The following PREX2 variants were observed in gnomAD, a reference collection of about 807,000 sequenced individuals.
PREX2 encodes the protein phosphatidylinositol-3,4,5-trisphosphate dependent Rac exchange factor 2.
A neutral mutation model predicts 203.2 loss-of-function variants in PREX2; 107 were observed. The ratio of observed to expected loss-of-function variants is 0.53; its 90% CI spans 0.45 to 0.62. The LOEUF (loss-of-function observed/expected upper bound fraction) is 0.62. Among genes scored for constraint, PREX2 ranks in the 20% least tolerant of loss-of-function variants. The pLI is 0.00. For missense variants in PREX2, 1,777 were observed against 1,955.9 expected, an observed-to-expected ratio of 0.91 and a Z score of 1.72; for synonymous variants, 672 against 663.6, an observed-to-expected ratio of 1.01 and a Z score of -0.19.
intron 7 of PREX2, among the ~76,000 whole-genome samples, chr8:68,043,402 A>G (rs1808254654): frequency 6.6e-6 from 1 of 152,026 alleles, no homozygotes; most frequent in African/African-American, 2.4e-5. Context: ...TTTTTTTCCA[A>G]GGAAGGAGCC....
At chr8:68,166,641 CAA>C (rs1811766477) in intron 35 of PREX2, among the ~76,000 whole-genome samples, 1 of 152,146 alleles carries the variant, frequency 6.6e-6, no homozygotes, top group Non-Finnish European at 1.5e-5. Flanking sequence ...ATTGTCATCA[CAA>C]GAGAAATTTT....
rs1375419138 is a variant in PREX2 at position 68,118,422 on chromosome 8, T to G, written c.3327-128T>G. The G allele has an allele frequency of 1.4e-4, 86 of 615,784 alleles. No homozygotes were observed. The East Asian group carries it at 2.4e-3, about 17-fold the overall frequency. The allele number at this position is 615,784 out of a possible 1,614,324, so 38.1% of individuals were successfully genotyped here. ...GTAAGATAGACTGAGTTGAACAAGT[T>G]TATCTTTCTCATAGTTTTCTCTAAA... On this transcript the variant is annotated intron_variant, in intron 26 of 39. Transcript: ENST00000288368.
intron 1 of PREX2, among the ~76,000 whole-genome samples, chr8:67,962,343 A>G (rs1805654553): frequency 6.6e-6 from 1 of 152,068 alleles, no homozygotes; most frequent in Non-Finnish European, 1.5e-5. Context: ...AAATTTTAGG[A>G]TTCCAGAAAT....
At chr8:68,123,214 ACTCT>A (rs1277309739) in intron 30 of PREX2, among the ~76,000 whole-genome samples, 1 of 151,990 alleles carries the variant, frequency 6.6e-6, no homozygotes, top group Non-Finnish European at 1.5e-5. Flanking sequence ...AGCATACCAG[ACTCT>A]CTGGGACACA....
At chr8:67,962,566 A>G (rs1383658415) in intron 1 of PREX2, among the ~76,000 whole-genome samples, 1 of 150,488 alleles carries the variant, frequency 6.6e-6, no homozygotes. Flanking sequence ...TTGGCTTTCT[A>G]TAATTTTATA....
Position 67,952,512 on chromosome 8 carries a change from G to A in PREX2, c.118G>A (p.Gly40Ser). The A allele has an allele frequency of 6.2e-7, 1 of 1,610,524 alleles. No individual in the cohort carries two copies. ...CCAGAAGACCGAGCGGGACTATGTG[G>A]GCACGCTGGAGTTCCTGGTGTCGGT... Reference protein sequence around the residue: ...ELQKTERDYVGTLEFLVSAFL... With the variant: ...ELQKTERDYVSTLEFLVSAFL... The change falls in exon 1 of 40, where the codon GGC becomes AGC. Residue 40 changes from glycine (G) to serine (S), a missense_variant. Coordinates refer to ENST00000288368, the MANE Select transcript of PREX2 (RefSeq NM_024870.4).
At position 68,033,074 on chromosome 8, in the gene PREX2, G is replaced by C. The variant is rs139727209; in HGVS notation, c.705+2416G>C. On this transcript the variant is annotated intron_variant, in intron 6 of 39. Coordinates refer to ENST00000288368, the MANE Select transcript of PREX2 (RefSeq NM_024870.4). ...CTCTCACTTAATTATCTGGGGACTT[G>C]CTTCACTGTTAATCAAATGAAAGCT... Among the ~76,000 whole-genome samples the C allele has an allele frequency of 5.0e-3, 767 of 152,154 alleles. 5 individuals carry two copies. Among genetic ancestry groups the C allele is most frequent in the African/African-American group, 0.017 (723 of 41,516 alleles).
chr8:67,963,708 T>C (rs1805695556), intron 1 of PREX2, among the ~76,000 whole-genome samples: 1 of 152,174 alleles, frequency 6.6e-6, no homozygotes, highest in African/African-American at 2.4e-5. Context: ...CTTTTTTTCC[T>C]GAAGGCCAGA....
intron 33 of PREX2, among the ~76,000 whole-genome samples, chr8:68,144,474 T>A (rs1811287883): frequency 6.6e-6 from 1 of 152,212 alleles, no homozygotes; most frequent in African/African-American, 2.4e-5. Flanking sequence ...ATGTTGTTAA[T>A]TTCAAATTCC....
At chr8:68,105,375 G>A (rs1450115252) in intron 23 of PREX2, 1 of 1,361,034 alleles carries the variant, frequency 7.3e-7, no homozygotes, top group Non-Finnish European at 9.8e-7. Context: ...CTTACCCTTT[G>A]GAACAGTTCA....
At chr8:68,097,522 A>G (rs1443784769) in intron 22 of PREX2, among the ~76,000 whole-genome samples, 1 of 152,122 alleles carries the variant, frequency 6.6e-6, no homozygotes, top group Non-Finnish European at 1.5e-5. Flanking sequence ...ATGAGGTTTC[A>G]CCATGTTGCC....
At chr8:68,139,869 A>G (rs1401846364) in intron 33 of PREX2, among the ~76,000 whole-genome samples, 1 of 152,202 alleles carries the variant, frequency 6.6e-6, no homozygotes, top group African/African-American at 2.4e-5. Context: ...TATTATTTGA[A>G]CAAATTGTGT....
In PREX2 at chr8:68,204,910, T is replaced by C. The variant is rs181963630; in HGVS notation, c.4604+12385T>C. Among the ~76,000 whole-genome samples, 411 of 151,962 alleles carry C rather than the reference T, an allele frequency of 2.7e-3. 1 individual carries two copies. The highest frequency in any genetic ancestry group is 6.8e-3 in the Middle Eastern group (2 of 292). ...GTTAGCCAGGATGGTCTCGATCTCC[T>C]GACCTCGTGATCCGCCCGCCTCGGC... On this transcript the variant is annotated intron_variant, in intron 37 of 39. Coordinates refer to ENST00000288368, the MANE Select transcript of PREX2 (RefSeq NM_024870.4).
Position 67,969,029 on chromosome 8 carries a change from G to A in PREX2, c.141+16494G>A, listed in dbSNP as rs139642209. Among the ~76,000 whole-genome samples, 1,164 of 152,234 alleles carry A rather than the reference G, an allele frequency of 7.6e-3. 4 individuals carry two copies. The highest frequency in any genetic ancestry group is 0.013 in the Non-Finnish European group (888 of 68,036). ...CTTGGAGGCTTTGAGATTTTCTGCC[G>A]CACTCTGCTCAGCGTCTTAATGCTC... On this transcript the variant is annotated intron_variant, in intron 1 of 39. Coordinates refer to ENST00000288368, the MANE Select transcript of PREX2 (RefSeq NM_024870.4).
At chr8:68,138,320 A>T (rs2129613499) in intron 32 of PREX2, 95 bp from the exon 33 acceptor site, 1 of 563,516 alleles carries the variant, frequency 1.8e-6, no homozygotes, top group Admixed American at 3.3e-5. Context: ...AATAAAACAC[A>T]GCAAAGTTGT....
In PREX2 at chr8:68,120,915, A is replaced by T. The variant is rs905131895; in HGVS notation, c.3596-6A>T. The T allele has an allele frequency of 6.2e-7, 1 of 1,610,916 alleles. No individual in the cohort carries two copies. Among genetic ancestry groups the T allele is most frequent in the Admixed American group, 1.7e-5 (1 of 59,382 alleles). ...GACTTAAGAGAGATTTTCTGTGTTT[A>T]TTTAGAATTTCAACAGGAAATGGAA... On this transcript the variant is annotated splice_region_variant and splice_polypyrimidine_tract_variant and intron_variant, in intron 29 of 39. Transcript: ENST00000288368.
At chr8:68,111,683 T>C (rs1585802706) in intron 25 of PREX2, among the ~76,000 whole-genome samples, 1 of 152,188 alleles carries the variant, frequency 6.6e-6, no homozygotes, top group African/African-American at 2.4e-5. Context: ...CACCACATCA[T>C]GTAATTCTAA....
chr8:68,017,220 T>C (rs1280979444), intron 1 of PREX2, among the ~76,000 whole-genome samples: 3 of 152,148 alleles, frequency 2.0e-5, no homozygotes, highest in African/African-American at 7.2e-5. Context: ...AGGGCTTATT[T>C]GCCTACCATA....
At chr8:68,149,233 G>A (rs1811385639) in intron 34 of PREX2, among the ~76,000 whole-genome samples, 1 of 152,134 alleles carries the variant, frequency 6.6e-6, no homozygotes, top group African/African-American at 2.4e-5. Context: ...GGAAAAGGAG[G>A]GCACAGTAGT....
Sources: allele counts gnomAD v4.1 joint callset (sites outside exome capture counted in the v4.1 genomes callset), GRCh38; gene constraint gnomAD v4.1.1; transcripts MANE v1.5; gene names NCBI Gene and HGNC (gene_info 2026-07-23, HGNC 2026-07-21).